The following NUP98 variants were observed in gnomAD, a reference collection of about 807,000 sequenced individuals.
The protein encoded by NUP98 is nucleoporin 98 and 96 precursor.
NUP98 carries 26 observed loss-of-function variants against 191.9 expected under a neutral mutation model. That is an observed-to-expected ratio of 0.14 (90% CI 0.10 to 0.19). NUP98 has a LOEUF of 0.19. Ranked by LOEUF, NUP98 falls within the 10% of genes least tolerant of loss-of-function variation. NUP98 has a pLI of 1.00. For missense variants in NUP98, 1,941 were observed against 2,178.8 expected (o/e 0.89, Z 2.17); for synonymous variants, 808 against 778.4 (o/e 1.04, Z -0.63).
chr11:3,721,030 G>T (rs369854281), intron 16 of NUP98: 1 of 381,604 alleles, frequency 2.6e-6, no homozygotes, highest in East Asian at 4.5e-5. Flanking sequence ...GGTCAAATAG[G>T]TTTGAAGAAC....
In NUP98 at chr11:3,702,313, A is replaced by ACTCTCT. The variant is rs71041375; in HGVS notation, c.3512+144_3512+149dup. 183 of 349,046 alleles carry ACTCTCT rather than the reference A, an allele frequency of 5.2e-4. 1 individual carries two copies. The highest frequency in any genetic ancestry group is 8.2e-4 in the Middle Eastern group (1 of 1,214). The allele number at this position is 349,046 out of a possible 1,614,324, so 21.6% of individuals were successfully genotyped here. The stretch of plus-strand genomic sequence containing the variant: ...CACACACACACACACACACACACAC[A>ACTCTCT]CTCTCTCTCTCTCTCTCTCTCTCTC... On this transcript the variant is annotated intron_variant, in intron 23 of 32. Coordinates refer to ENST00000324932, the MANE Select transcript of NUP98 (RefSeq NM_016320.5).
chr11:3,757,875 C>T (rs1299761748), intron 10 of NUP98, among the ~76,000 whole-genome samples: 3 of 152,118 alleles, frequency 2.0e-5, no homozygotes, highest in Non-Finnish European at 4.4e-5. Flanking sequence ...ATTAAAAACA[C>T]ACATTTTCAA....
At chr11:3,709,913 T>C (rs766242463) in intron 20 of NUP98, among the ~76,000 whole-genome samples, 1 of 147,460 alleles carries the variant, frequency 6.8e-6, no homozygotes, top group Admixed American at 6.9e-5. Flanking sequence ...GCATGGCACA[T>C]GTATACATAT....
At chr11:3,753,176 A>T in intron 11 of NUP98, 140 bp downstream of exon 11, 1 of 702,992 alleles carries the variant, frequency 1.4e-6, no homozygotes, top group Non-Finnish European at 2.5e-6. Flanking sequence ...AACTGCTGGG[A>T]ATGTCTTATA....
At chr11:3,683,719 G>C (rs2078048822) in intron 29 of NUP98, among the ~76,000 whole-genome samples, 1 of 151,036 alleles carries the variant, frequency 6.6e-6, no homozygotes, top group East Asian at 2.0e-4. Flanking sequence ...TGTAATTTTA[G>C]TAGAGGCAGG....
chr11:3,779,793 G>A (rs2081889793), intron 2 of NUP98, among the ~76,000 whole-genome samples: 1 of 151,958 alleles, frequency 6.6e-6, no homozygotes, highest in Non-Finnish European at 1.5e-5. Context: ...AAAGTCAAAA[G>A]GAGTGACTTT....
At chr11:3,753,530 C>A in intron 10 of NUP98, 122 bp from the exon 11 acceptor site, 1 of 675,936 alleles carries the variant, frequency 1.5e-6, no homozygotes. Context: ...ATATTTAGGA[C>A]TCCTAACTTG....
intron 25 of NUP98, among the ~76,000 whole-genome samples, chr11:3,697,626 T>C (rs1380064786): frequency 2.6e-5 from 4 of 151,902 alleles, no homozygotes; most frequent in Admixed American, 6.6e-5. Context: ...CTGGCCAACA[T>C]GGCGAAACCC....
chr11:3,742,699 C>CAAAAAA (rs35895691), intron 12 of NUP98, among the ~76,000 whole-genome samples: 1 of 82,892 alleles, frequency 1.2e-5, no homozygotes, highest in African/African-American at 4.5e-5. Flanking sequence ...ACTCTGTCTC[C>CAAAAAA]AAAAAAAAAA....
At chr11:3,701,627 T>C (rs2078680647) in intron 23 of NUP98, among the ~76,000 whole-genome samples, 1 of 152,054 alleles carries the variant, frequency 6.6e-6, no homozygotes, top group Admixed American at 6.6e-5. Flanking sequence ...TAACTAAGTT[T>C]AGGATCAGTA....
intron 4 of NUP98, among the ~76,000 whole-genome samples, chr11:3,777,721 T>C (rs900134939): frequency 3.3e-5 from 5 of 151,896 alleles, no homozygotes; most frequent in African/African-American, 1.2e-4. Flanking sequence ...AACATCCTAA[T>C]TACCAGGTTA....
intron 15 of NUP98, among the ~76,000 whole-genome samples, chr11:3,724,589 C>T (rs975120316): frequency 1.4e-4 from 22 of 151,746 alleles, no homozygotes; most frequent in East Asian, 5.8e-4. Context: ...GTCAGGAGCT[C>T]GAGACCATCC....
chr11:3,730,984 T>C (rs1220033703), intron 14 of NUP98, among the ~76,000 whole-genome samples: 1 of 152,156 alleles, frequency 6.6e-6, no homozygotes, highest in Non-Finnish European at 1.5e-5. Context: ...AAAAGTGGAC[T>C]GGCTGGGCAC....
intron 28 of NUP98, 126 bp downstream of exon 28, chr11:3,691,221 T>G: frequency 2.1e-6 from 2 of 936,314 alleles, no homozygotes; most frequent in South Asian, 3.4e-5. Flanking sequence ...CTACTTTAAG[T>G]TATATTTGGT....
intron 10 of NUP98, among the ~76,000 whole-genome samples, chr11:3,759,885 C>A (rs1157120747): frequency 6.6e-6 from 1 of 151,734 alleles, no homozygotes; most frequent in African/African-American, 2.4e-5. Flanking sequence ...GTTGCCTAGG[C>A]TGGAATGCAG....
intron 12 of NUP98, among the ~76,000 whole-genome samples, chr11:3,736,483 C>T (rs2080065294): frequency 6.6e-6 from 1 of 152,128 alleles, no homozygotes; most frequent in Non-Finnish European, 1.5e-5. Context: ...CAGTGAAACC[C>T]CACCTCTACT....
intron 20 of NUP98, among the ~76,000 whole-genome samples, chr11:3,706,989 T>C (rs1300678490): frequency 6.6e-6 from 1 of 152,210 alleles, no homozygotes; most frequent in African/African-American, 2.4e-5. Context: ...CACCTTTTCC[T>C]AACACTGCCA....
chr11:3,780,541 C>CAAAAAAAAAAAAAAA (rs142060672), intron 2 of NUP98, among the ~76,000 whole-genome samples: 3 of 74,822 alleles, frequency 4.0e-5, no homozygotes, highest in Non-Finnish European at 7.5e-5. Flanking sequence ...GACTCCATCT[C>CAAAAAAAAAAAAAAA]AAAAAAAAAA....
At chr11:3,727,813 T>C (rs1350620304) in intron 14 of NUP98, among the ~76,000 whole-genome samples, 1 of 151,916 alleles carries the variant, frequency 6.6e-6, no homozygotes, top group Non-Finnish European at 1.5e-5. Flanking sequence ...CACTTGAAGC[T>C]AGGAGTTTGA....
Sources: gnomAD v4.1 joint callset for allele counts (sites outside exome capture counted in the v4.1 genomes callset) on GRCh38, gnomAD v4.1.1 for gene constraint, MANE v1.5 for transcripts, NCBI Gene and HGNC (gene_info 2026-07-23, HGNC 2026-07-21) for gene names.